UBR2: variants seen among roughly 807,000 people sequenced by gnomAD.
The protein encoded by UBR2 is E3 ubiquitin-protein ligase UBR2.
In UBR2, 92 loss-of-function variants were observed where a neutral mutation model predicts 247.9. That is an observed-to-expected ratio of 0.37 (90% CI 0.31 to 0.44). The LOEUF (loss-of-function observed/expected upper bound fraction) is 0.44. Ranked by LOEUF, UBR2 falls within the 20% of genes least tolerant of loss-of-function variation. UBR2 has a pLI of 1.00. For missense variants in UBR2, 1,613 were observed against 2,112.6 expected, an observed-to-expected ratio of 0.76 and a Z score of 4.64; for synonymous variants, 672 against 693.5, an observed-to-expected ratio of 0.97 and a Z score of 0.49.
intron 25 of UBR2, 103 bp from the exon 26 acceptor site, chr6:42,655,518 A>T: frequency 1.6e-6 from 1 of 625,982 alleles, no homozygotes; most frequent in Non-Finnish European, 2.6e-6. Context: ...AGTATTTCAT[A>T]GTTTGATTTA....
rs1421942150 is a variant in UBR2 at position 42,689,448 on chromosome 6, A to G, written c.5025-121A>G. The G allele has an allele frequency of 5.5e-5, 54 of 979,196 alleles. No individual in the cohort carries two copies. In the East Asian group the frequency reaches 1.1e-3, roughly 19 times the overall value. 60.7% of individuals were successfully genotyped at this position (979,196 alleles called of 1,614,324 possible). On this transcript the variant is annotated intron_variant, in intron 45 of 46. Coordinates refer to ENST00000372901, the MANE Select transcript of UBR2 (RefSeq NM_001363705.2). This position sits in a 1 kb window ranked among gnomAD's most constrained non-coding sequence, Gnocchi z 4.0. ...TAGTTTGTGCACAATTTTTTAATGGATAACTTCCTCCTAATAGTGGTTTAA... is the reference window on the plus strand; with the variant it reads ...TAGTTTGTGCACAATTTTTTAATGGGTAACTTCCTCCTAATAGTGGTTTAA...
chr6:42,590,049 C>T (rs1408959443), intron 2 of UBR2, among the ~76,000 whole-genome samples: 1 of 152,062 alleles, frequency 6.6e-6, no homozygotes, highest in East Asian at 1.9e-4. Flanking sequence ...TTTTTTCTGC[C>T]TTTGTTCCAT....
intron 2 of UBR2, among the ~76,000 whole-genome samples, chr6:42,576,302 C>T (rs1388784988): frequency 6.6e-6 from 1 of 152,088 alleles, no homozygotes; most frequent in South Asian, 2.1e-4. Context: ...CTTCTGTTCC[C>T]ATCTAAGGTT....
rs190641959 is a variant in UBR2, at chr6:42,677,597, G to A, written c.4478+724G>A. On this transcript the variant is annotated intron_variant, in intron 40 of 46. Coordinates refer to ENST00000372901, the MANE Select transcript of UBR2 (RefSeq NM_001363705.2). ...ATTTGAGACCAGCCTGGCCAACATG[G>A]TGAAACCCTGTCTCTACCAAAAAAT... Among the ~76,000 whole-genome samples, 4 of 152,000 alleles carry A rather than the reference G, an allele frequency of 2.6e-5. No homozygotes were observed. The East Asian group carries it at 7.8e-4, about 30-fold the overall frequency.
At chr6:42,632,069 A>AAAAAATATATATATATAT (rs56721828) in intron 11 of UBR2, among the ~76,000 whole-genome samples, 1 of 114,088 alleles carries the variant, frequency 8.8e-6, no homozygotes, top group African/African-American at 3.4e-5. Context: ...AAAAAAAAAA[A>AAAAAATATATATATATAT]ATATATATAT....
chr6:42,624,836 A>G (rs1795233860), intron 11 of UBR2, among the ~76,000 whole-genome samples: 1 of 152,232 alleles, frequency 6.6e-6, no homozygotes, highest in Admixed American at 6.5e-5. Context: ...TATAGGAGTA[A>G]TTGTGGAAGT....
At chr6:42,631,890 A>AT (rs763475350) in intron 11 of UBR2, among the ~76,000 whole-genome samples, 40,162 of 120,320 alleles carry the variant, frequency 0.33, 7,827 homozygotes, top group Non-Finnish European at 0.35. Context: ...ATATATATAT[A>AT]AATACAGGTT....
intron 25 of UBR2, among the ~76,000 whole-genome samples, chr6:42,653,598 G>T: frequency 7.5e-6 from 1 of 133,654 alleles, no homozygotes; most frequent in African/African-American, 2.9e-5. Flanking sequence ...CTTATTCCAT[G>T]CTAAGCCCTT....
At position 42,659,941 on chromosome 6, in the gene UBR2, T is replaced by A; in HGVS notation, c.3442+86T>A. 1.6e-6 allele frequency: 2 copies of A among 1,290,216 alleles called. No homozygotes were observed. The highest frequency in any genetic ancestry group is 2.2e-6 in the Non-Finnish European group (2 of 916,114). 79.9% of individuals were successfully genotyped at this position (1,290,216 alleles called of 1,614,324 possible). A position where few individuals can be genotyped will look rare whatever the true frequency, so the allele number is the denominator to read the frequency against. ...GTGATACGTTGAGATTTTTTAAACC[T>A]AAAAATAACTCCATGGACTTGGATG... On this transcript the variant is annotated intron_variant, in intron 30 of 46. Transcript: ENST00000372901. This position sits in a 1 kb window ranked among gnomAD's most constrained non-coding sequence, Gnocchi z 4.3.
chr6:42,570,423 G>C (rs1791040487), intron 1 of UBR2, among the ~76,000 whole-genome samples: 1 of 151,946 alleles, frequency 6.6e-6, no homozygotes, highest in African/African-American at 2.4e-5. Flanking sequence ...AGTAGAGATG[G>C]GGTTTCACCA....
chr6:42,647,865 T>C (rs949272887), intron 21 of UBR2, among the ~76,000 whole-genome samples: 1 of 152,232 alleles, frequency 6.6e-6, no homozygotes, highest in Non-Finnish European at 1.5e-5. Context: ...CAGTGACTTT[T>C]TAAAAATCAT....
At chr6:42,657,935 T>C in intron 26 of UBR2, 89 bp from the exon 27 acceptor site, 1 of 930,258 alleles carries the variant, frequency 1.1e-6, no homozygotes, top group South Asian at 1.6e-5. Flanking sequence ...ATAGGTGTTA[T>C]AAGCAACTGC....
chr6:42,685,405 G>A (rs200618579), intron 44 of UBR2, among the ~76,000 whole-genome samples: 1 of 80,884 alleles, frequency 1.2e-5, no homozygotes, highest in South Asian at 3.8e-4. Flanking sequence ...ATGGGAGTAG[G>A]AGAAGCAAAT....
chr6:42,645,351 C>G, intron 20 of UBR2, 115 bp from the exon 21 acceptor site: 1 of 976,586 alleles, frequency 1.0e-6, no homozygotes, highest in Admixed American at 2.4e-5. Flanking sequence ...ATTACTTTCC[C>G]ATTGCTCAGA....
At chr6:42,632,066 AAAAATATAT>A (rs946502551) in intron 11 of UBR2, among the ~76,000 whole-genome samples, 1 of 68,636 alleles carries the variant, frequency 1.5e-5, no homozygotes, top group African/African-American at 5.8e-5. Flanking sequence ...TAAAAAAAAA[AAAAATATAT>A]ATATATATAT....
At chr6:42,588,243 G>A (rs549757605) in intron 2 of UBR2, among the ~76,000 whole-genome samples, 2 of 152,362 alleles carry the variant, frequency 1.3e-5, no homozygotes, top group Admixed American at 6.5e-5. Flanking sequence ...CAGCCAGATG[G>A]AAGAGACTTA....
chr6:42,629,855 T>C (rs1795591057), intron 11 of UBR2, among the ~76,000 whole-genome samples: 1 of 152,160 alleles, frequency 6.6e-6, no homozygotes, highest in Non-Finnish European at 1.5e-5. Flanking sequence ...AAATATGTGC[T>C]TCTTTTGTTA....
chr6:42,574,140 A>T, intron 2 of UBR2, 147 bp downstream of exon 2: 1 of 838,502 alleles, frequency 1.2e-6, no homozygotes, highest in Non-Finnish European at 1.7e-6. Context: ...TTTAATAAAT[A>T]ATTAAAGCAA....
At chr6:42,586,934 C>T (rs1447167842) in intron 2 of UBR2, among the ~76,000 whole-genome samples, 1 of 151,496 alleles carries the variant, frequency 6.6e-6, no homozygotes, top group Non-Finnish European at 1.5e-5. Flanking sequence ...GATTCTCCTG[C>T]CTCAGCCTCC....
Sources: allele counts gnomAD v4.1 joint callset (sites outside exome capture counted in the v4.1 genomes callset), GRCh38; gene constraint gnomAD v4.1.1; non-coding constraint Gnocchi (gnomAD v3.1); transcripts MANE v1.5; gene names NCBI Gene and HGNC (gene_info 2026-07-23, HGNC 2026-07-21).